The following TRMT2B variants were observed in gnomAD, a reference collection of about 807,000 sequenced individuals.
TRMT2B encodes tRNA (uracil-5-)-methyltransferase homolog B.
In TRMT2B, 34 loss-of-function variants were observed where a neutral mutation model predicts 39.7. The ratio of observed to expected loss-of-function variants is 0.86; its 90% CI spans 0.65 to 1.14. The LOEUF is 1.14. Ranked by LOEUF, TRMT2B falls within the 50% of genes most tolerant of loss-of-function variation. The probability of loss-of-function intolerance (pLI) is 0.00; values close to 1 mark genes in which losing one functional copy is unlikely to be tolerated. For missense variants in TRMT2B, 318 were observed against 377.2 expected (o/e 0.84, Z 1.30); for synonymous variants, 132 against 137.3 (o/e 0.96, Z 0.27).
At chrX:101,002,101 A>G in the TRMT2B span, among the ~76,000 whole-genome samples, 5 of 111,514 alleles carry the variant, frequency 4.5e-5, no homozygotes, top group African/African-American at 1.6e-4. Context: ...CCCTCCCCCT[A>G]ACAACCTGCA....
At chrX:101,042,539 A>G (rs2088305596) in intron 2 of TRMT2B, among the ~76,000 whole-genome samples, 1 of 112,058 alleles carries the variant, frequency 8.9e-6, no homozygotes, top group Admixed American at 9.6e-5. Flanking sequence ...TCCAGGAAAG[A>G]GTTCAAATCT....
chrX:100,991,874 GAT>G, the TRMT2B span, among the ~76,000 whole-genome samples: 1 of 110,840 alleles, frequency 9.0e-6, no homozygotes, highest in African/African-American at 3.3e-5. Flanking sequence ...ATCTCATGAA[GAT>G]AGAGAATAGA....
the TRMT2B span, among the ~76,000 whole-genome samples, chrX:100,994,093 A>G: frequency 1.8e-5 from 2 of 112,159 alleles, no homozygotes; most frequent in Non-Finnish European, 3.8e-5. Context: ...AACAACCCAA[A>G]GAGAGATGTC....
intron 10 of TRMT2B, 143 bp from the exon 11 acceptor site, chrX:101,020,731 ACAAT>A (rs2086758500): frequency 2.0e-6 from 1 of 510,469 alleles, no homozygotes; most frequent in African/African-American, 2.3e-5. Flanking sequence ...GTGCAATGGC[ACAAT>A]CACAGTTCAC....
chrX:101,043,238 C>T (rs1227142587), intron 2 of TRMT2B, among the ~76,000 whole-genome samples: 3 of 108,110 alleles, frequency 2.8e-5, no homozygotes, highest in Admixed American at 2.0e-4. Context: ...TGCATTCCAG[C>T]GTGGGCAACA....
intron 2 of TRMT2B, among the ~76,000 whole-genome samples, chrX:101,042,802 C>A (rs2088320807): frequency 9.0e-6 from 1 of 111,358 alleles, no homozygotes; most frequent in Non-Finnish European, 1.9e-5. Flanking sequence ...GGAGGGATGG[C>A]GCTGAGTCTT....
chrX:101,032,173 C>T (rs1275919050), intron 7 of TRMT2B, among the ~76,000 whole-genome samples: 2 of 110,701 alleles, frequency 1.8e-5, no homozygotes, highest in African/African-American at 6.6e-5. Flanking sequence ...GTAATCTGAG[C>T]TACTCGGGAG....
chrX:100,985,401 G>T, the TRMT2B span, among the ~76,000 whole-genome samples: 8 of 111,907 alleles, frequency 7.1e-5, no homozygotes, highest in Non-Finnish European at 1.3e-4. Flanking sequence ...GTAAAGCGAT[G>T]ATTTAGGAAG....
At chrX:101,050,601 G>A (rs2089006827) in intron 2 of TRMT2B, among the ~76,000 whole-genome samples, 1 of 111,281 alleles carries the variant, frequency 9.0e-6, no homozygotes, top group Non-Finnish European at 1.9e-5. Context: ...GCGCACGCCT[G>A]TAATCCCAGC....
At chrX:101,006,516 G>A (rs73250657), downstream of TRMT2B, among the ~76,000 whole-genome samples, 1,008 of 110,682 alleles carry the variant, frequency 9.1e-3, 9 homozygotes, top group Non-Finnish European at 0.013. Context: ...TAAAGATGAA[G>A]AGTTGGCCGG....
the TRMT2B span, among the ~76,000 whole-genome samples, chrX:101,002,665 G>A: frequency 1.8e-5 from 2 of 109,773 alleles, no homozygotes; most frequent in South Asian, 3.9e-4. Flanking sequence ...TGTAATCTCA[G>A]CTACTTGGGA....
chrX:100,973,684 T>C, the TRMT2B span: 2 of 1,210,032 alleles, frequency 1.7e-6, no homozygotes, highest in East Asian at 5.9e-5. Context: ...AGAACTAAGA[T>C]GAATCATGTT....
chrX:101,040,562 T>C (rs758064120), intron 4 of TRMT2B, among the ~76,000 whole-genome samples: 4 of 111,370 alleles, frequency 3.6e-5, no homozygotes, highest in African/African-American at 1.3e-4. Context: ...AACATGAAAT[T>C]TTCATTATGC....
chrX:101,037,262 A>G, intron 5 of TRMT2B, 189 bp from the exon 6 acceptor site: 1 of 424,832 alleles, frequency 2.4e-6, no homozygotes, highest in Non-Finnish European at 4.1e-6. Context: ...CAATCTTGCC[A>G]TAAAGCAGGA....
chrX:100,982,792 A>G, the TRMT2B span, among the ~76,000 whole-genome samples: 2 of 109,320 alleles, frequency 1.8e-5, no homozygotes, highest in African/African-American at 6.7e-5. Context: ...AGTAGCTGGG[A>G]CTACAGGTGT....
At chrX:100,980,753 C>A in the TRMT2B span, among the ~76,000 whole-genome samples, 6 of 111,388 alleles carry the variant, frequency 5.4e-5, no homozygotes, top group East Asian at 1.7e-3. Context: ...TGACTACTGC[C>A]TGGCGCTTGC....
chrX:101,011,683 C>T (rs985261078), intron 13 of TRMT2B, among the ~76,000 whole-genome samples: 2 of 111,367 alleles, frequency 1.8e-5, no homozygotes, highest in Non-Finnish European at 3.8e-5. Flanking sequence ...TGCTTGAGCT[C>T]AGAAGTTCGA....
At chrX:100,977,633 G>A in the TRMT2B span, among the ~76,000 whole-genome samples, 4 of 110,833 alleles carry the variant, frequency 3.6e-5, no homozygotes, top group African/African-American at 9.9e-5. Context: ...TGCCTGCCTC[G>A]GCCTCCCAAA....
the TRMT2B span, among the ~76,000 whole-genome samples, chrX:101,003,113 C>T: frequency 1.9e-5 from 2 of 106,822 alleles, no homozygotes; most frequent in Admixed American, 1.0e-4. Flanking sequence ...CATGGTCTCA[C>T]CATATTCCCC....
Sources: allele counts gnomAD v4.1 joint callset (sites outside exome capture counted in the v4.1 genomes callset), GRCh38; gene constraint gnomAD v4.1.1; transcripts MANE v1.5; gene names NCBI Gene and HGNC (gene_info 2026-07-23, HGNC 2026-07-21).